Variants in ENGASE observed in about 807,000 individuals in gnomAD.
ENGASE encodes cytosolic endo-beta-N-acetylglucosaminidase.
A neutral mutation model predicts 78.5 loss-of-function variants in ENGASE; 69 were observed. The observed-to-expected ratio is 0.88, with a 90% CI of 0.72 to 1.07. The LOEUF is 1.07. Ranked by LOEUF, ENGASE falls within the 50% of genes least tolerant of loss-of-function variation. The probability of loss-of-function intolerance (pLI) is 0.00; values close to 1 mark genes in which losing one functional copy is unlikely to be tolerated. For missense variants in ENGASE, 943 were observed against 988.4 expected (o/e 0.95, Z 0.62); for synonymous variants, 408 against 408.9 (o/e 1.00, Z 0.03).
In ENGASE at chr17:79,085,838, T is replaced by C. The variant is rs565696643; in HGVS notation, c.1816-95T>C. 2.1e-4 allele frequency: 327 copies of C among 1,592,688 alleles called. 1 individual carries two copies. In the African/African-American group the frequency reaches 3.6e-3, roughly 18 times the overall value. ...CCCCTTCTTGGGTTCAGCGGGGAAC[T>C]GGGGTGGAGGAGTCAGGGAGGGGAA... On this transcript the variant is annotated intron_variant, in intron 13 of 13. Coordinates refer to ENST00000579016, the MANE Select transcript of ENGASE (RefSeq NM_001042573.3).
intron 10 of ENGASE, chr17:79,084,160 C>A: frequency 1.8e-6 from 1 of 571,236 alleles, no homozygotes; most frequent in Non-Finnish European, 3.0e-6. Context: ...GTTAACTCTG[C>A]GTACGTTGCT....
At chr17:79,084,815 G>T (rs770810700) in intron 11 of ENGASE, 129 bp downstream of exon 11, 1 of 1,038,962 alleles carries the variant, frequency 9.6e-7, no homozygotes, top group Admixed American at 2.5e-5. Flanking sequence ...TGCCTTTGCC[G>T]GAGTCAGGGC....
In ENGASE at chr17:79,084,793, G is replaced by C. The variant is rs924958129; in HGVS notation, c.1591+107G>C. ...GGGGAGGAGCTGGTGTGGACAGTGG[G>C]GGGGTACATCCTGCCTTTGCCGGAG... On this transcript the variant is annotated intron_variant, in intron 11 of 13. Transcript: ENST00000579016. 9.7e-5 allele frequency: 124 copies of C among 1,272,274 alleles called. No individual in the cohort carries two copies. The African/African-American group carries it at 9.8e-4, about 10-fold the overall frequency. 78.8% of individuals were successfully genotyped at this position (1,272,274 alleles called of 1,614,324 possible). A position where few individuals can be genotyped will look rare whatever the true frequency, so the allele number is the denominator to read the frequency against.
chr17:79,086,719 A>G lies in ENGASE; in HGVS notation c.*370A>G, dbSNP rs1006462062. The G allele has an allele frequency of 2.9e-5, 11 of 385,230 alleles. No individual in the cohort carries two copies. The Admixed American group carries it at 3.3e-4, about 11-fold the overall frequency. 23.9% of individuals were successfully genotyped at this position (385,230 alleles called of 1,614,324 possible). A position where few individuals can be genotyped will look rare whatever the true frequency, so the allele number is the denominator to read the frequency against. ...CAAGATGCTGATGCCGAGAATGATG[A>G]TTTTCTTTCCTGCAGATGAAACTAT... is the stretch of plus-strand genomic sequence containing the variant. On this transcript the variant is annotated 3_prime_UTR_variant, in exon 14 of 14. Transcript: ENST00000579016.
rs2072932874 is a variant in ENGASE, at chr17:79,075,019, C to T, written c.75C>T (p.Ala25=). The T allele has an allele frequency of 1.6e-6, 2 of 1,213,738 alleles. No homozygotes were observed. Among genetic ancestry groups the T allele is most frequent in the Admixed American group, 4.3e-5 (1 of 23,216 alleles). 75.2% of individuals were successfully genotyped at this position (1,213,738 alleles called of 1,614,324 possible). Reference sequence around the variant, plus strand: ...GGCGGCAGCTGCAGGGGCTGGCGGCCCCGGAGGCGGGGACGCAGGAGGAGC... The same window carrying T: ...GGCGGCAGCTGCAGGGGCTGGCGGCTCCGGAGGCGGGGACGCAGGAGGAGC... ...RRRRQLQGLA[A]PEAGTQEEQE... The change falls in exon 1 of 14, where the codon GCC becomes GCT. Residue 25 remains alanine, a synonymous_variant. Coordinates refer to ENST00000579016, the MANE Select transcript of ENGASE (RefSeq NM_001042573.3).
At position 79,083,381 on chromosome 17, in the gene ENGASE, G is replaced by C; in HGVS notation, c.1143-101G>C. Reference sequence around the variant, plus strand: ...GTCCTCCTGGAAGTCCTGTCTTGGAGGGTGCAGGAGAGCCTCGAGTTTCCA... The same window carrying C: ...GTCCTCCTGGAAGTCCTGTCTTGGACGGTGCAGGAGAGCCTCGAGTTTCCA... On this transcript the variant is annotated intron_variant, in intron 8 of 13. Coordinates refer to ENST00000579016, the MANE Select transcript of ENGASE (RefSeq NM_001042573.3). The surrounding 1 kb of genome is among the most constrained non-coding windows in gnomAD (Gnocchi z 4.9). The C allele has an allele frequency of 1.2e-6, 1 of 857,688 alleles. No homozygotes were observed. Among genetic ancestry groups the C allele is most frequent in the East Asian group, 2.6e-5 (1 of 37,816 alleles). The allele number at this position is 857,688 out of a possible 1,614,324, so 53.1% of individuals were successfully genotyped here.
In ENGASE at chr17:79,086,221, G is replaced by A. The variant is rs1033053980; in HGVS notation, c.2104G>A (p.Val702Met). 2 of 1,613,530 alleles carry A rather than the reference G, an allele frequency of 1.2e-6. No homozygotes were observed. The highest frequency in any genetic ancestry group is 1.7e-6 in the Non-Finnish European group (2 of 1,180,038). ...ATQYRIVDLL[V>M]EAAGPGQDRR... ...CCAGTACCGGATAGTGGACCTGCTG[G>A]TGGAAGCCGCCGGGCCCGGCCAGGA... The change falls in exon 14 of 14, where the codon GTG (valine) becomes ATG (methionine). Residue 702 changes from valine (V) to methionine (M), a missense_variant. Coordinates refer to ENST00000579016, the MANE Select transcript of ENGASE (RefSeq NM_001042573.3).
rs764649789 is a variant in ENGASE, at chr17:79,086,264, T to A, written c.2147T>A (p.Leu716Gln). ...GPGQDRRMEF[L>Q]VEPVPKEGFR... The stretch of plus-strand genomic sequence containing the variant: ...GGCCAGGATCGTCGCATGGAATTTC[T>A]GGTGGAGCCTGTCCCCAAGGAAGGG... The change falls in exon 14 of 14, where the codon CTG becomes CAG. Residue 716 changes from leucine to glutamine, a missense_variant. Coordinates refer to ENST00000579016, the MANE Select transcript of ENGASE (RefSeq NM_001042573.3). The A allele has an allele frequency of 6.2e-7, 1 of 1,613,504 alleles. No homozygotes were observed. Among genetic ancestry groups the A allele is most frequent in the Non-Finnish European group, 8.5e-7 (1 of 1,180,034 alleles).
At chr17:79,081,786 T>TGGGGTGGGGC (rs2073145987) in intron 6 of ENGASE, 112 bp from the exon 7 acceptor site, 8 of 1,202,624 alleles carry the variant, frequency 6.7e-6, no homozygotes, top group Admixed American at 6.7e-5. Context: ...TGGGGTGGGG[T>TGGGGTGGGGC]GGGCCCATCC....
intron 7 of ENGASE, chr17:79,082,330 G>C: frequency 1.5e-6 from 2 of 1,356,412 alleles, no homozygotes; most frequent in South Asian, 1.4e-5. Flanking sequence ...TTCCCCCGCT[G>C]TCCGGTCCTC....
chr17:79,080,367 G>C lies in ENGASE; in HGVS notation c.723+3G>C. ...TCAACATCGAGAACTCGCTGAGTGT[G>C]AGTGCCCAGCCCTCACCCACCTCCC... On this transcript the variant is annotated splice_donor_region_variant and intron_variant, in intron 5 of 13. Transcript: ENST00000579016. 1.2e-6 allele frequency: 2 copies of C among 1,612,394 alleles called. No homozygotes were observed. Among genetic ancestry groups the C allele is most frequent in the South Asian group, 2.2e-5 (2 of 91,042 alleles).
At position 79,076,648 on chromosome 17, in the gene ENGASE, C is replaced by T. The variant is rs11077411; in HGVS notation, c.147-782C>T. On this transcript the variant is annotated intron_variant, in intron 1 of 13. Transcript: ENST00000579016. Reference sequence around the variant, plus strand: ...TTAATGTACCGAAGGAACGAAGGAACTCTTTCTCCCTGTAACATACATCCA... The same window carrying T: ...TTAATGTACCGAAGGAACGAAGGAATTCTTTCTCCCTGTAACATACATCCA... Among the ~76,000 whole-genome samples the T allele has an allele frequency of 1.1e-3, 170 of 152,344 alleles. 1 individual carries two copies. The East Asian group carries it at 0.028, about 25-fold the overall frequency.
chr17:79,082,752 G>T (rs544244419), intron 7 of ENGASE: 1 of 1,440,916 alleles, frequency 6.9e-7, no homozygotes, highest in Admixed American at 2.1e-5. Context: ...CAATGGGACC[G>T]CGCAGCCACA....
rs2073122979 is a variant in ENGASE at position 79,081,090 on chromosome 17, G to A, written c.872+17G>A. On this transcript the variant is annotated intron_variant, in intron 6 of 13. Transcript: ENST00000579016. The stretch of plus-strand genomic sequence containing the variant: ...GCACAACAGGTGAGCCTGCAGACAG[G>A]TGCTGTGAGGGGGCAGGTGCCGTGG... The A allele has an allele frequency of 1.3e-6, 2 of 1,575,092 alleles. No individual in the cohort carries two copies. The highest frequency in any genetic ancestry group is 1.7e-6 in the Non-Finnish European group (2 of 1,160,976).
At position 79,082,340 on chromosome 17, in the gene ENGASE, C is replaced by T. The variant is rs972349483; in HGVS notation, c.1038+277C>T. On this transcript the variant is annotated intron_variant, in intron 7 of 13. Transcript: ENST00000579016. ...CGTCGTTCCCCCGCTGTCCGGTCCT[C>T]GGCGGGCCTGGGCCTCCTGTCCCAG... 1.7e-5 allele frequency: 22 copies of T among 1,315,780 alleles called. 1 individual carries two copies. The Admixed American group carries it at 2.0e-4, about 12-fold the overall frequency. 81.5% of individuals were successfully genotyped at this position (1,315,780 alleles called of 1,614,324 possible).
At chr17:79,076,584 A>G (rs2072973190) in intron 1 of ENGASE, among the ~76,000 whole-genome samples, 1 of 152,182 alleles carries the variant, frequency 6.6e-6, no homozygotes, top group Non-Finnish European at 1.5e-5. Flanking sequence ...TCAATTTTTA[A>G]AAGAAAGTGG....
At chr17:79,078,874 TGACACGA>T (rs1372274534) in intron 3 of ENGASE, among the ~76,000 whole-genome samples, 1 of 152,210 alleles carries the variant, frequency 6.6e-6, no homozygotes, top group East Asian at 1.9e-4. Flanking sequence ...GACGGGACTT[TGACACGA>T]GACTTCCTGC....
intron 6 of ENGASE, 147 bp downstream of exon 6, chr17:79,081,220 G>T: frequency 8.8e-7 from 1 of 1,130,230 alleles, no homozygotes; most frequent in Non-Finnish European, 1.2e-6. Flanking sequence ...GGGAGAAGGT[G>T]GGCCAGGCGC....
At chr17:79,077,583 T>G in intron 2 of ENGASE, 80 bp from the exon 3 acceptor site, 1 of 1,578,162 alleles carries the variant, frequency 6.3e-7, no homozygotes. Context: ...CTCATGTTCC[T>G]TCTCTGTTAT....
Sources: allele counts gnomAD v4.1 joint callset (sites outside exome capture counted in the v4.1 genomes callset), GRCh38; gene constraint gnomAD v4.1.1; non-coding constraint Gnocchi (gnomAD v3.1); transcripts MANE v1.5; gene names NCBI Gene and HGNC (gene_info 2026-07-23, HGNC 2026-07-21).